Variants in SPATA7 observed in about 807,000 individuals in gnomAD.
The protein encoded by SPATA7 is spermatogenesis associated 7, also known as spermatogenesis-associated protein 7.
In SPATA7, 43 loss-of-function variants were observed where a neutral mutation model predicts 51.8. That is an observed-to-expected ratio of 0.83 (90% CI 0.65 to 1.07). SPATA7 has a LOEUF of 1.07. SPATA7 is among the 50% of genes least tolerant of loss of function. The pLI, the probability that SPATA7 is intolerant of heterozygous loss-of-function variation, is 0.00. For missense variants in SPATA7, 683 were observed against 701.3 expected (o/e 0.97, Z 0.30); for synonymous variants, 230 against 252.8 (o/e 0.91, Z 0.86).
downstream of SPATA7, among the ~76,000 whole-genome samples, chr14:88,442,172 C>CTGTTTGTTTGTTTGTT (rs56376187): frequency 5.4e-4 from 81 of 149,460 alleles, no homozygotes; most frequent in African/African-American, 7.6e-4. Flanking sequence ...GTCTATATGC[C>CTGTTTGTTTGTTTGTT]TGTTTGTTTG....
intron 8 of SPATA7, 120 bp from the exon 9 acceptor site, chr14:88,431,052 C>T: frequency 1.1e-6 from 1 of 946,954 alleles, no homozygotes; most frequent in Non-Finnish European, 1.7e-6. Flanking sequence ...TTCTGAAACA[C>T]TTCTGGTTCC....
At chr14:88,393,563 T>G in intron 3 of SPATA7, 75 bp downstream of exon 3, 2 of 1,073,320 alleles carry the variant, frequency 1.9e-6, no homozygotes, top group Non-Finnish European at 2.8e-6. Context: ...AATATATCTA[T>G]AGCAAAAATG....
At chr14:88,405,806 G>A (rs1384768125) in intron 4 of SPATA7, among the ~76,000 whole-genome samples, 1 of 152,242 alleles carries the variant, frequency 6.6e-6, no homozygotes, top group African/African-American at 2.4e-5. Context: ...TGGAATTCAA[G>A]AGACAATTTC....
At position 88,433,136 on chromosome 14, in the gene SPATA7, G is replaced by A. The variant is rs140393080; in HGVS notation, c.1084G>A (p.Glu362Lys). 5 of 1,610,602 alleles carry A rather than the reference G, an allele frequency of 3.1e-6. No individual in the cohort carries two copies. The African/African-American group carries it at 4.0e-5, about 13-fold the overall frequency. The part of the protein sequence containing the change: ...PPSTRKIYSD[E>K]EELLYLSFIE... ...CTATATATTGCCTTCCTTTTACAGT[G>A]AAGAAGAACTGTTGTATCTGAGTTT... The change falls in exon 10 of 12, where the codon GAA becomes AAA. Residue 362 changes from glutamate (E) to lysine (K), a missense_variant and splice_region_variant. Physicochemically the swap from Glu to Lys is moderately conservative, Grantham distance 56. Transcript: ENST00000393545.
At position 88,426,512 on chromosome 14, in the gene SPATA7, C is replaced by T. The variant is rs74072095; in HGVS notation, c.653C>T (p.Ser218Leu). 223 of 1,614,172 alleles carry T rather than the reference C, an allele frequency of 1.4e-4. No individual in the cohort carries two copies. The African/African-American group carries it at 2.5e-3, about 18-fold the overall frequency. The change falls in exon 6 of 12, where the codon TCG becomes TTG. Residue 218 changes from serine (S) to leucine (L), a missense_variant. By Grantham distance (145) the Ser-to-Leu change is moderately radical. Transcript: ENST00000393545. ...PNSHRFQLVI[S>L]KAPSGDLLDK... is the part of the protein sequence containing the mutation. ...TCCCACCGGTTTCAGTTAGTCATTT[C>T]GAAAGCACCCAGTGGGGATCTTTTG...
intron 10 of SPATA7, among the ~76,000 whole-genome samples, chr14:88,436,548 T>G (rs1030045165): frequency 3.3e-5 from 5 of 152,212 alleles, no homozygotes; most frequent in Non-Finnish European, 7.3e-5. Context: ...AGTAGTTCCA[T>G]AGTTTCAGAA....
At chr14:88,426,138 CT>C in intron 5 of SPATA7, 93 bp from the exon 6 acceptor site, 2 of 901,986 alleles carry the variant, frequency 2.2e-6, no homozygotes, top group Non-Finnish European at 3.6e-6. Flanking sequence ...TTTGTAAACC[CT>C]TGAGGCTATC....
chr14:88,450,485 T>C (rs1228645061), intron 3 of SPATA7, among the ~76,000 whole-genome samples: 1 of 152,186 alleles, frequency 6.6e-6, no homozygotes, highest in Non-Finnish European at 1.5e-5. Context: ...GTTCTTTTAG[T>C]GCTGGCTTGG....
chr14:88,419,506 G>C (rs2076577796), intron 5 of SPATA7, among the ~76,000 whole-genome samples: 1 of 148,012 alleles, frequency 6.8e-6, no homozygotes, highest in South Asian at 2.1e-4. Context: ...TGGTGGGTCA[G>C]ATTATTCAAT....
At position 88,395,039 on chromosome 14, in the gene SPATA7, T is replaced by G. The variant is rs1355479027; in HGVS notation, c.191-1117T>G. ...ATCAGATATATGTTTTGCAGATATT[T>G]TTTTCCCAATCTGTAGCTGGTGTTT... On this transcript the variant is annotated intron_variant, in intron 3 of 11. Coordinates refer to ENST00000393545, the MANE Select transcript of SPATA7 (RefSeq NM_018418.5). Among the ~76,000 whole-genome samples, 3 of 152,238 alleles carry G rather than the reference T, an allele frequency of 2.0e-5. No homozygotes were observed. The East Asian group carries it at 5.8e-4, about 29-fold the overall frequency.
At chr14:88,449,898 G>A (rs1447077731) in intron 3 of SPATA7, among the ~76,000 whole-genome samples, 1 of 151,872 alleles carries the variant, frequency 6.6e-6, no homozygotes, top group Non-Finnish European at 1.5e-5. Flanking sequence ...AGCTACTCCT[G>A]CTTGCTTTTG....
At chr14:88,405,753 A>G (rs776407965) in intron 4 of SPATA7, among the ~76,000 whole-genome samples, 29 of 152,236 alleles carry the variant, frequency 1.9e-4, no homozygotes, top group Non-Finnish European at 3.2e-4. Context: ...TGCCTATTAC[A>G]TAGCCAGTTG....
chr14:88,449,754 G>GCTC (rs2077238704), intron 3 of SPATA7, among the ~76,000 whole-genome samples: 1 of 152,088 alleles, frequency 6.6e-6, no homozygotes, highest in Non-Finnish European at 1.5e-5. Context: ...AAATTTGGGA[G>GCTC]CTCCAGTGTT....
intron 7 of SPATA7, 178 bp from the exon 8 acceptor site, chr14:88,429,170 A>G (rs1470525049): frequency 1.4e-5 from 6 of 422,766 alleles, no homozygotes; most frequent in Non-Finnish European, 2.6e-5. Flanking sequence ...TTTATCTTTA[A>G]GTTTAAGAAA....
chr14:88,451,059 A>G (rs2077246966), intron 3 of SPATA7, among the ~76,000 whole-genome samples: 1 of 151,956 alleles, frequency 6.6e-6, no homozygotes, highest in African/African-American at 2.4e-5. Flanking sequence ...TTGAGCTGGG[A>G]AGTTTCTTTC....
At chr14:88,464,175 G>A (rs993193662) in intron 4 of SPATA7, among the ~76,000 whole-genome samples, 1 of 151,942 alleles carries the variant, frequency 6.6e-6, no homozygotes, top group Non-Finnish European at 1.5e-5. Context: ...TAGATAGTAG[G>A]GTAAATGGAG....
downstream of SPATA7, among the ~76,000 whole-genome samples, chr14:88,442,839 G>A (rs1284656002): frequency 6.6e-6 from 1 of 151,596 alleles, no homozygotes; most frequent in African/African-American, 2.4e-5. Context: ...TTTATCTTTT[G>A]GAATAGTGTC....
chr14:88,422,734 CTG>C (rs746254178), intron 5 of SPATA7, among the ~76,000 whole-genome samples: 18 of 151,456 alleles, frequency 1.2e-4, no homozygotes, highest in Non-Finnish European at 2.7e-4. Flanking sequence ...ATTATTTTAT[CTG>C]TATTTTTATT....
intron 4 of SPATA7, among the ~76,000 whole-genome samples, chr14:88,403,460 G>A (rs145957864): frequency 3.1e-4 from 47 of 152,178 alleles, no homozygotes; most frequent in African/African-American, 1.0e-3. Flanking sequence ...TGTGGTATGT[G>A]TATAAAGAAA....
Sources: gnomAD v4.1 joint callset for allele counts (sites outside exome capture counted in the v4.1 genomes callset) on GRCh38, gnomAD v4.1.1 for gene constraint, MANE v1.5 for transcripts, NCBI Gene and HGNC (gene_info 2026-07-23, HGNC 2026-07-21) for gene names.